The following LARGE1 variants were observed in gnomAD, a reference collection of about 807,000 sequenced individuals.
LARGE1 encodes the protein xylosyl- and glucuronyltransferase LARGE1.
LARGE1 carries 43 observed loss-of-function variants against 87.6 expected under a neutral mutation model. That is an observed-to-expected ratio of 0.49 (90% CI 0.38 to 0.63). The LOEUF (loss-of-function observed/expected upper bound fraction) is 0.63. Among genes scored for constraint, LARGE1 ranks in the 30% least tolerant of loss-of-function variants. LARGE1 has a pLI of 0.00. For missense variants in LARGE1, 802 were observed against 1,000.2 expected, an observed-to-expected ratio of 0.80 and a Z score of 2.67; for synonymous variants, 434 against 394.6, an observed-to-expected ratio of 1.10 and a Z score of -1.18.
Position 33,362,352 on chromosome 22 carries a change from A to G in LARGE1, c.1131+19567T>C, listed in dbSNP as rs2064417411. The stretch of plus-strand genomic sequence containing the variant: ...AATGTAACTGAACCTGGGAGAGGTT[A>G]AGTGATTTACTCAAGTCCTTCAGTT... On this transcript the variant is annotated intron_variant, in intron 9 of 14. Coordinates refer to ENST00000397394, the MANE Select transcript of LARGE1 (RefSeq NM_133642.5). Among the ~76,000 whole-genome samples, 2 of 149,954 alleles carry G rather than the reference A, an allele frequency of 1.3e-5. 1 individual carries two copies. The highest frequency in any genetic ancestry group is 3.0e-5 in the Non-Finnish European group (2 of 67,148).
At chr22:33,473,168 C>T (rs555186450) in intron 6 of LARGE1, among the ~76,000 whole-genome samples, 2 of 145,278 alleles carry the variant, frequency 1.4e-5, no homozygotes, top group Non-Finnish European at 3.0e-5. Context: ...TCATATCTCT[C>T]TTTTTTTTTT....
At chr22:33,705,594 C>T (rs2082538352) in intron 2 of LARGE1, among the ~76,000 whole-genome samples, 2 of 152,202 alleles carry the variant, frequency 1.3e-5, no homozygotes, top group African/African-American at 4.8e-5. Context: ...AGCGACTTGT[C>T]CAAGGCAATG....
intron 2 of LARGE1, among the ~76,000 whole-genome samples, chr22:33,713,533 G>A (rs2082805456): frequency 6.6e-6 from 1 of 151,960 alleles, no homozygotes; most frequent in Non-Finnish European, 1.5e-5. Context: ...AAACCAGGTT[G>A]GCACTCTTAA....
intron 3 of LARGE1, among the ~76,000 whole-genome samples, chr22:33,644,854 G>A (rs1366693485): frequency 6.6e-6 from 1 of 152,076 alleles, no homozygotes; most frequent in Non-Finnish European, 1.5e-5. Context: ...CAACTTATAA[G>A]GGTTATGAAG....
intron 11 of LARGE1, among the ~76,000 whole-genome samples, chr22:33,240,697 T>G (rs1353822272): frequency 2.6e-5 from 4 of 152,372 alleles, no homozygotes; most frequent in African/African-American, 4.8e-5. Context: ...AGTGGGATTT[T>G]GATTGGCATT....
At chr22:33,909,719 T>C (rs1181350098) in intron 1 of LARGE1, among the ~76,000 whole-genome samples, 1 of 151,702 alleles carries the variant, frequency 6.6e-6, no homozygotes, top group Non-Finnish European at 1.5e-5. Context: ...TTTGTATTTT[T>C]AGTAGAGACG....
chr22:33,686,115 T>G (rs996712281), intron 2 of LARGE1, among the ~76,000 whole-genome samples: 8 of 152,168 alleles, frequency 5.3e-5, no homozygotes, highest in African/African-American at 1.7e-4. Flanking sequence ...CAGCCGACTC[T>G]CTTTCCTTGT....
At chr22:33,193,446 G>A (rs7289448) in intron 11 of LARGE1, among the ~76,000 whole-genome samples, 34,578 of 152,070 alleles carry the variant, frequency 0.23, 4,126 homozygotes, top group Middle Eastern at 0.35. Context: ...AGCAGAGATA[G>A]ATATAAGAAA....
At chr22:33,399,611 C>A (rs951221905) in intron 7 of LARGE1, among the ~76,000 whole-genome samples, 1 of 152,116 alleles carries the variant, frequency 6.6e-6, no homozygotes, top group Non-Finnish European at 1.5e-5. Flanking sequence ...TGCAATGGTG[C>A]GATCTCGGCT....
chr22:33,605,763 G>T (rs1402446248), intron 4 of LARGE1, among the ~76,000 whole-genome samples: 1 of 152,124 alleles, frequency 6.6e-6, no homozygotes, highest in Non-Finnish European at 1.5e-5. Context: ...GACCCGGCCC[G>T]CTGACCTCAA....
intron 6 of LARGE1, among the ~76,000 whole-genome samples, chr22:33,552,990 T>C (rs1181648361): frequency 6.6e-6 from 1 of 152,150 alleles, no homozygotes; most frequent in Non-Finnish European, 1.5e-5. Context: ...AGCCTGTACT[T>C]TCCCCACTGA....
the LARGE1 span, among the ~76,000 whole-genome samples, chr22:33,094,494 T>C: frequency 6.6e-6 from 1 of 152,186 alleles, no homozygotes; most frequent in Admixed American, 6.5e-5. Context: ...TTCAAAATTC[T>C]TTGCCATCCT....
At chr22:33,818,959 C>T (rs982615552) in intron 1 of LARGE1, among the ~76,000 whole-genome samples, 46 of 152,142 alleles carry the variant, frequency 3.0e-4, no homozygotes, top group African/African-American at 9.4e-4. Context: ...CAGGCTACAC[C>T]GCATTCCTAT....
Position 33,267,210 on chromosome 22 carries a change from C to T in LARGE1, c.1730+37019G>A, listed in dbSNP as rs186902955. On this transcript the variant is annotated intron_variant, in intron 11 of 11. Transcript: ENST00000608642. ...GAGCTGAGATTGTGCTACTGCACTCCAGCCTGGGCGACAGAGGGGACCCTG... is the reference window on the plus strand; with the variant it reads ...GAGCTGAGATTGTGCTACTGCACTCTAGCCTGGGCGACAGAGGGGACCCTG... Among the ~76,000 whole-genome samples the T allele has an allele frequency of 8.9e-4, 135 of 151,770 alleles. 1 individual carries two copies. The highest frequency in any genetic ancestry group is 4.4e-4 in the Non-Finnish European group (30 of 68,024).
chr22:33,586,456 CT>C (rs130421), intron 5 of LARGE1, among the ~76,000 whole-genome samples: 47,334 of 140,082 alleles, frequency 0.34, 7,595 homozygotes, highest in Middle Eastern at 0.37. Flanking sequence ...AACAAGATTT[CT>C]TTTTTTTTTT....
In LARGE1 at chr22:33,358,183, C is replaced by A. The variant is rs548154979; in HGVS notation, c.1132-20382G>T. Among the ~76,000 whole-genome samples, 6 of 152,166 alleles carry A rather than the reference C, an allele frequency of 3.9e-5. No individual in the cohort carries two copies. In the South Asian group the frequency reaches 1.0e-3, roughly 26 times the overall value. On this transcript the variant is annotated intron_variant, in intron 9 of 14. Transcript: ENST00000397394. ...CAAAGAGATCATAAAACACTGACAG[C>A]CCTTGGACGCAGGTCATACAATGAA...
At chr22:33,606,535 C>T (rs2079269622) in intron 4 of LARGE1, among the ~76,000 whole-genome samples, 1 of 152,108 alleles carries the variant, frequency 6.6e-6, no homozygotes, top group African/African-American at 2.4e-5. Context: ...TCACTCCCCA[C>T]ACCTGTCCTA....
intron 1 of LARGE1, among the ~76,000 whole-genome samples, chr22:33,805,376 A>G (rs1162563554): frequency 6.6e-6 from 1 of 152,114 alleles, no homozygotes; most frequent in Non-Finnish European, 1.5e-5. Flanking sequence ...TTAGAAAAGC[A>G]AGCCAAGGAA....
At chr22:33,588,009 T>C (rs191857094) in intron 5 of LARGE1, among the ~76,000 whole-genome samples, 75 of 152,322 alleles carry the variant, frequency 4.9e-4, no homozygotes, top group African/African-American at 1.8e-3. Context: ...AGAACTTAAG[T>C]TATCGGCCTT....
Sources: allele counts gnomAD v4.1 joint callset (sites outside exome capture counted in the v4.1 genomes callset), GRCh38; gene constraint gnomAD v4.1.1; transcripts MANE v1.5; gene names NCBI Gene and HGNC (gene_info 2026-07-23, HGNC 2026-07-21).